UBE3C: variants seen among roughly 807,000 people sequenced by gnomAD.
UBE3C encodes the protein ubiquitin protein ligase E3C.
UBE3C carries 42 observed loss-of-function variants against 129.4 expected under a neutral mutation model. That is an observed-to-expected ratio of 0.32 (90% CI 0.25 to 0.42). The LOEUF is 0.42. Ranked by LOEUF, UBE3C falls within the 10% of genes least tolerant of loss-of-function variation. UBE3C has a pLI of 1.00. For missense variants in UBE3C, 1,049 were observed against 1,319.1 expected (o/e 0.80, Z 3.17); for synonymous variants, 510 against 492.4 (o/e 1.04, Z -0.47).
At chr7:157,172,898 G>C (rs1808417166) in intron 4 of UBE3C, among the ~76,000 whole-genome samples, 1 of 152,184 alleles carries the variant, frequency 6.6e-6, no homozygotes. Context: ...CTCAATCTTA[G>C]TCATCAGTCA....
chr7:157,160,009 A>G (rs577066734), intron 1 of UBE3C, among the ~76,000 whole-genome samples: 1 of 152,254 alleles, frequency 6.6e-6, no homozygotes, highest in African/African-American at 2.4e-5. Context: ...TGAGGAATCA[A>G]GTTTCAGATA....
intron 14 of UBE3C, among the ~76,000 whole-genome samples, chr7:157,217,733 A>G (rs1460151439): frequency 1.3e-5 from 2 of 152,166 alleles, no homozygotes; most frequent in African/African-American, 4.8e-5. Flanking sequence ...GCTACTCGGG[A>G]GGCTAAGGCA....
chr7:157,252,253 G>A (rs902169867), intron 19 of UBE3C, among the ~76,000 whole-genome samples: 2 of 152,160 alleles, frequency 1.3e-5, no homozygotes, highest in Non-Finnish European at 2.9e-5. Flanking sequence ...AATCATACAA[G>A]TACATCATCA....
At chr7:157,267,534 T>C (rs1797113388) in intron 22 of UBE3C, 51 bp from the exon 23 acceptor site, 6 of 1,602,118 alleles carry the variant, frequency 3.7e-6, no homozygotes, top group East Asian at 2.2e-5. Flanking sequence ...TTAAAACTCA[T>C]GTAATGCCAT....
chr7:157,199,167 A>G (rs1273183927), intron 10 of UBE3C, among the ~76,000 whole-genome samples: 1 of 152,224 alleles, frequency 6.6e-6, no homozygotes, highest in African/African-American at 2.4e-5. Flanking sequence ...TTTTGTTTTA[A>G]TAACATTTTT....
At chr7:157,205,383 T>C (rs988929205) in intron 11 of UBE3C, among the ~76,000 whole-genome samples, 2 of 152,128 alleles carry the variant, frequency 1.3e-5, no homozygotes, top group Non-Finnish European at 1.5e-5. Flanking sequence ...TCCTGCAATA[T>C]GTGTGCATAA....
At chr7:157,170,186 G>T in intron 3 of UBE3C, 118 bp from the exon 4 acceptor site, 5 of 702,990 alleles carry the variant, frequency 7.1e-6, no homozygotes, top group Admixed American at 3.4e-5. Flanking sequence ...GACCGATAAT[G>T]GTGTTTTCGT....
At chr7:157,212,338 A>G (rs964618810) in intron 13 of UBE3C, among the ~76,000 whole-genome samples, 2 of 152,228 alleles carry the variant, frequency 1.3e-5, no homozygotes, top group African/African-American at 4.8e-5. Context: ...AACTTGGACT[A>G]TATGTACTTA....
At position 157,262,089 on chromosome 7, in the gene UBE3C, A is replaced by G. The variant is rs573337853; in HGVS notation, c.3081+5045A>G. Among the ~76,000 whole-genome samples the G allele has an allele frequency of 1.4e-4, 21 of 152,322 alleles. No homozygotes were observed. In the South Asian group the frequency reaches 4.3e-3, roughly 32 times the overall value. ...TTTGCCAGCAGTCACTGACCCCTTC[A>G]TTCAGAGATCCTTTTCTGTTTCAAA... On this transcript the variant is annotated intron_variant, in intron 22 of 22. Coordinates refer to ENST00000348165, the MANE Select transcript of UBE3C (RefSeq NM_014671.3).
At chr7:157,267,439 A>G in intron 22 of UBE3C, 146 bp from the exon 23 acceptor site, 3 of 1,020,608 alleles carry the variant, frequency 2.9e-6, no homozygotes, top group Non-Finnish European at 4.3e-6. Context: ...ACAAACAACA[A>G]CAACAAAGCA....
At chr7:157,221,859 G>T (rs6459741) in intron 15 of UBE3C, 73,427 of 151,978 alleles carry the variant, frequency 0.48, 20,657 homozygotes, top group African/African-American at 0.79. Flanking sequence ...TTTTTTTGTT[G>T]TGTTTTCTTG....
intron 22 of UBE3C, among the ~76,000 whole-genome samples, chr7:157,266,245 C>T (rs548497646): frequency 7.9e-4 from 120 of 152,170 alleles, no homozygotes; most frequent in African/African-American, 2.6e-3. Flanking sequence ...ACCCGGGAGG[C>T]GGATGTTGCA....
At chr7:157,241,243 C>G (rs1158774336) in intron 18 of UBE3C, among the ~76,000 whole-genome samples, 1 of 152,164 alleles carries the variant, frequency 6.6e-6, no homozygotes, top group African/African-American at 2.4e-5. Flanking sequence ...CCCGTCTTAG[C>G]TGTGAGACCA....
At chr7:157,183,047 C>G (rs1439102444) in intron 8 of UBE3C, among the ~76,000 whole-genome samples, 3 of 152,134 alleles carry the variant, frequency 2.0e-5, no homozygotes, top group Non-Finnish European at 4.4e-5. Flanking sequence ...GTGCCCAGCC[C>G]AAACTGTTTT....
chr7:157,249,377 G>T (rs1489735947), intron 19 of UBE3C, among the ~76,000 whole-genome samples: 1 of 151,874 alleles, frequency 6.6e-6, no homozygotes, highest in East Asian at 1.9e-4. Flanking sequence ...GTGCAGTGGC[G>T]CAATCTCGGC....
intron 19 of UBE3C, among the ~76,000 whole-genome samples, chr7:157,248,863 G>T (rs1796547544): frequency 6.6e-6 from 1 of 152,142 alleles, no homozygotes. Context: ...TGCTTGTCTG[G>T]CTCTTCCCGG....
intron 10 of UBE3C, among the ~76,000 whole-genome samples, chr7:157,189,494 T>C (rs1315952802): frequency 1.3e-5 from 2 of 152,114 alleles, no homozygotes; most frequent in Non-Finnish European, 2.9e-5. Flanking sequence ...GTTAGAAAAG[T>C]GCTTGGCTTT....
chr7:157,177,945 A>T (rs58895943), intron 5 of UBE3C, among the ~76,000 whole-genome samples: 7,668 of 126,170 alleles, frequency 0.061, 444 homozygotes, highest in African/African-American at 0.18. Context: ...TTTTTTTTTT[A>T]AGAAAAAGGA....
chr7:157,152,928 A>AAAAAATTACAG lies in UBE3C; in HGVS notation c.67-10882_67-10881insAAAAATTACAG, dbSNP rs566835978. Among the ~76,000 whole-genome samples, 65 of 152,250 alleles carry AAAAAATTACAG rather than the reference A, an allele frequency of 4.3e-4. 1 individual carries two copies. The East Asian group carries it at 0.01, about 24-fold the overall frequency. On this transcript the variant is annotated intron_variant, in intron 1 of 22. Transcript: ENST00000348165. Reference sequence around the variant, plus strand: ...GTTTAATTTTTTGCCAGGTGTGGTGATGCACGCCTGTAATCCTAGCACTTT... The same window carrying AAAAAATTACAG: ...GTTTAATTTTTTGCCAGGTGTGGTGAAAAAATTACAGTGCACGCCTGTAATCCTAGCACTTT...
Sources: gnomAD v4.1 joint callset for allele counts (sites outside exome capture counted in the v4.1 genomes callset) on GRCh38, gnomAD v4.1.1 for gene constraint, MANE v1.5 for transcripts, NCBI Gene and HGNC (gene_info 2026-07-23, HGNC 2026-07-21) for gene names.